The following MOSPD2 variants were observed in gnomAD, a reference collection of about 807,000 sequenced individuals.
MOSPD2 encodes motile sperm domain-containing protein 2.
In MOSPD2, 5 loss-of-function variants were observed where a neutral mutation model predicts 41.7. The ratio of observed to expected loss-of-function variants is 0.12; its 90% CI spans 0.06 to 0.25. MOSPD2 has a LOEUF of 0.25. Among genes scored for constraint, MOSPD2 ranks in the 10% least tolerant of loss-of-function variants. MOSPD2 has a pLI of 1.00. For synonymous variants in MOSPD2, 115 were observed against 126.9 expected (o/e 0.91, Z 0.63); for missense variants, 282 against 375.2 (o/e 0.75, Z 2.05).
At chrX:14,894,317 T>TTG (rs1491177145) in intron 3 of MOSPD2, among the ~76,000 whole-genome samples, 5 of 35,776 alleles carry the variant, frequency 1.4e-4, no homozygotes, top group Non-Finnish European at 2.7e-4. Flanking sequence ...TATTGATTGA[T>TTG]TTTTTTTTTT....
At chrX:14,919,635 A>G (rs777174989) in intron 14 of MOSPD2, 37 bp from the exon 15 acceptor site, 1 of 1,029,022 alleles carries the variant, frequency 9.7e-7, no homozygotes, top group Non-Finnish European at 1.3e-6. Context: ...TGGCTGTTTT[A>G]TTGATATAAA....
rs770551847 is a variant in MOSPD2, at chrX:14,921,555, AATT to A, written c.*1748_*1750del. ...TTCCTTGGCAAATAAATGAAGAAAT[AATT>A]AGCCAAGATTGAAAATGTATTGTCC... On this transcript the variant is annotated 3_prime_UTR_variant, in exon 15 of 15. Transcript: ENST00000380492. The A allele has an allele frequency of 1.6e-4, 65 of 412,037 alleles. No homozygotes were observed. In the African/African-American group the frequency reaches 1.6e-3, roughly 10 times the overall value. 34.0% of individuals were successfully genotyped at this position (412,037 alleles called of 1,213,427 possible).
At chrX:14,905,283 T>TTTAGTAAA (rs1433321059) in intron 7 of MOSPD2, among the ~76,000 whole-genome samples, 2 of 110,563 alleles carry the variant, frequency 1.8e-5, no homozygotes, top group Non-Finnish European at 3.8e-5. Flanking sequence ...AAAACCCCAT[T>TTTAGTAAA]TTAGTAAATT....
At chrX:14,912,399 C>T (rs771422212) in intron 10 of MOSPD2, 38 bp downstream of exon 10, 1 of 911,800 alleles carries the variant, frequency 1.1e-6, no homozygotes, top group Non-Finnish European at 1.5e-6. Context: ...AATTTTATAA[C>T]ATATCTTGAT....
intron 7 of MOSPD2, among the ~76,000 whole-genome samples, chrX:14,905,633 A>G (rs1239957107): frequency 2.7e-5 from 3 of 110,590 alleles, no homozygotes; most frequent in South Asian, 3.8e-4. Flanking sequence ...AGCTGGGACT[A>G]TAGGCACCTA....
intron 13 of MOSPD2, 117 bp from the exon 14 acceptor site, chrX:14,918,563 A>T (rs1464980454): frequency 2.1e-6 from 1 of 477,839 alleles, no homozygotes; most frequent in East Asian, 3.9e-5. Context: ...GGGAAGAGGA[A>T]TGAGGACTTT....
chrX:14,904,797 G>GT (rs2092579017), intron 7 of MOSPD2, among the ~76,000 whole-genome samples: 1 of 111,715 alleles, frequency 9.0e-6, no homozygotes, highest in African/African-American at 3.3e-5. Flanking sequence ...AGTGTTCAGA[G>GT]TTTTTATTGG....
chrX:14,906,896 C>T (rs1306002904), intron 7 of MOSPD2, among the ~76,000 whole-genome samples: 1 of 110,999 alleles, frequency 9.0e-6, no homozygotes, highest in Non-Finnish European at 1.9e-5. Flanking sequence ...TGGTGGCACA[C>T]GCCTGTAATC....
chrX:14,889,057 G>C (rs1331993988), intron 2 of MOSPD2, among the ~76,000 whole-genome samples: 3 of 111,565 alleles, frequency 2.7e-5, no homozygotes, highest in Non-Finnish European at 5.7e-5. Context: ...CCAGTACTTG[G>C]TGTCTAGTAA....
At position 14,911,320 on chromosome X, in the gene MOSPD2, G is replaced by C; in HGVS notation, c.786G>C (p.Glu262Asp). The change falls in exon 9 of 15, where the codon GAG (glutamate) becomes GAC (aspartate). Residue 262 changes from glutamate to aspartate, a missense_variant. Physicochemically the swap from Glu to Asp is conservative, Grantham distance 45. This residue lies in a region of MOSPD2 where 187 missense variants were observed against 256.6 expected (regional missense o/e 0.73). Coordinates refer to ENST00000380492, the MANE Select transcript of MOSPD2 (RefSeq NM_152581.4). ...GTGAGAATGGGCCTATTACCAGTGA[G>C]GATGAAACTTCAAGTAAAGAAGACA... ...PLCENGPITS[E>D]DETSSKEDIE... is the part of the protein sequence containing the mutation. 1 of 1,202,078 alleles carries C rather than the reference G, an allele frequency of 8.3e-7. No individual in the cohort carries two copies. The highest frequency in any genetic ancestry group is 1.1e-6 in the Non-Finnish European group (1 of 888,076).
chrX:14,916,676 C>T (rs1312902348), intron 13 of MOSPD2, among the ~76,000 whole-genome samples: 1 of 112,137 alleles, frequency 8.9e-6, no homozygotes, highest in Non-Finnish European at 1.9e-5. Flanking sequence ...ACCAGTAAAG[C>T]AATAGTGAGA....
intron 2 of MOSPD2, among the ~76,000 whole-genome samples, chrX:14,887,687 T>C (rs2092544264): frequency 9.2e-6 from 1 of 108,850 alleles, no homozygotes; most frequent in Non-Finnish European, 1.9e-5. Context: ...AGTTTCTTTA[T>C]CTTACAATTT....
At chrX:14,882,490 T>C in intron 2 of MOSPD2, among the ~76,000 whole-genome samples, 1 of 112,018 alleles carries the variant, frequency 8.9e-6, no homozygotes, top group East Asian at 2.8e-4. Context: ...GCTAAGAGTG[T>C]AGATTTTAAG....
In MOSPD2 at chrX:14,897,088, G is replaced by C. The variant is rs2092564370; in HGVS notation, c.327G>C (p.Trp109Cys). 8.4e-7 allele frequency: 1 copy of C among 1,186,837 alleles called. No individual in the cohort carries two copies. The highest frequency in any genetic ancestry group is 1.8e-5 in the African/African-American group (1 of 56,083). The part of the protein sequence containing the change: ...GYDKEGNKLF[W>C]IRVKYHVKDQ... ...ATTTTTATCTTCTGCTTAAAGTCTG[G>C]ATCAGGGTGAAGTATCATGTAAAAG... Residue 109 changes from tryptophan to cysteine, a missense_variant, in exon 5 of 15, where the codon TGG becomes TGC. Transcript: ENST00000380492.
chrX:14,922,292 ATTACAT>A lies in MOSPD2; in HGVS notation c.*2487_*2492del, dbSNP rs2092611088. 1 of 111,822 alleles carries A rather than the reference ATTACAT, an allele frequency of 8.9e-6. No individual in the cohort carries two copies. 9.2% of individuals were successfully genotyped at this position (111,822 alleles called of 1,213,427 possible). A position where few individuals can be genotyped will look rare whatever the true frequency, so the allele number is the denominator to read the frequency against. ...TATTTTAATATGTTTTAGAAAAATA[ATTACAT>A]TTATGAAATAAATATCATCAGGAAA... On this transcript the variant is annotated 3_prime_UTR_variant, in exon 15 of 15. Transcript: ENST00000380492.
At chrX:14,901,577 CAGAG>C (rs1208413991) in intron 6 of MOSPD2, among the ~76,000 whole-genome samples, 10 of 111,021 alleles carry the variant, frequency 9.0e-5, no homozygotes, top group Non-Finnish European at 1.9e-5. Flanking sequence ...CTCATCTTTT[CAGAG>C]AGAGTATTCA....
chrX:14,898,782 A>G (rs1166607899), intron 5 of MOSPD2, among the ~76,000 whole-genome samples: 3 of 111,603 alleles, frequency 2.7e-5, no homozygotes, highest in Non-Finnish European at 5.7e-5. Flanking sequence ...ATATCTCACC[A>G]TCTTTAATTT....
intron 3 of MOSPD2, among the ~76,000 whole-genome samples, chrX:14,894,639 T>C (rs1454596313): frequency 1.8e-5 from 2 of 110,686 alleles, no homozygotes; most frequent in Non-Finnish European, 3.8e-5. Context: ...TTTATCTTTG[T>C]AGAGAGGTTG....
intron 2 of MOSPD2, among the ~76,000 whole-genome samples, chrX:14,877,553 G>T (rs2032199746): frequency 1.8e-5 from 2 of 109,463 alleles, no homozygotes; most frequent in African/African-American, 3.3e-5. Context: ...TGTTGGTCAG[G>T]CTAGTCTCGA....
Sources: allele counts gnomAD v4.1 joint callset (sites outside exome capture counted in the v4.1 genomes callset), GRCh38; gene constraint gnomAD v4.1.1; regional missense constraint gnomAD v4.1.1; transcripts MANE v1.5; gene names NCBI Gene and HGNC (gene_info 2026-07-23, HGNC 2026-07-21).